ENTREP2: variants seen among roughly 807,000 people sequenced by gnomAD.
The protein encoded by ENTREP2 is endosomal transmembrane epsin interactor 2.
chr15:29,546,108 T>A, the ENTREP2 span, among the ~76,000 whole-genome samples: 1 of 152,326 alleles, frequency 6.6e-6, no homozygotes. Context: ...CTTAGGAGAC[T>A]TCTGATATGA....
chr15:29,467,483 G>A, the ENTREP2 span, among the ~76,000 whole-genome samples: 4 of 152,212 alleles, frequency 2.6e-5, no homozygotes, highest in Non-Finnish European at 5.9e-5. Flanking sequence ...CAGCTAAAAC[G>A]CCAAGGAAAC....
At chr15:29,601,594 T>C in the ENTREP2 span, among the ~76,000 whole-genome samples, 2 of 152,178 alleles carry the variant, frequency 1.3e-5, no homozygotes, top group Non-Finnish European at 2.9e-5. Flanking sequence ...ATTCACATGA[T>C]CAGCTATGTC....
At chr15:29,434,725 G>T in the ENTREP2 span, among the ~76,000 whole-genome samples, 4 of 152,158 alleles carry the variant, frequency 2.6e-5, no homozygotes, top group African/African-American at 7.2e-5. Context: ...TGCTCCTCAA[G>T]CAGAGATCAG....
At chr15:29,662,972 C>T in the ENTREP2 span, among the ~76,000 whole-genome samples, 1 of 151,874 alleles carries the variant, frequency 6.6e-6, no homozygotes, top group Non-Finnish European at 1.5e-5. Flanking sequence ...CTCGGCCTCC[C>T]AAAGTGCTGG....
chr15:29,233,771 T>C, the ENTREP2 span: 766 of 1,535,842 alleles, frequency 5.0e-4, 1 homozygote, highest in African/African-American at 9.3e-3. Context: ...AGTCTGATGA[T>C]GTGTGTGGTG....
chr15:29,391,255 C>T, the ENTREP2 span, among the ~76,000 whole-genome samples: 2 of 151,980 alleles, frequency 1.3e-5, no homozygotes, highest in Admixed American at 1.3e-4. Context: ...ACTTCCAACT[C>T]ACCATTCCCT....
chr15:29,655,941 C>T, the ENTREP2 span, among the ~76,000 whole-genome samples: 1 of 149,018 alleles, frequency 6.7e-6, no homozygotes, highest in Admixed American at 6.7e-5. Flanking sequence ...ATGAGAATCA[C>T]TTGAATCTGG....
chr15:29,236,269 A>T, the ENTREP2 span, among the ~76,000 whole-genome samples: 1 of 152,230 alleles, frequency 6.6e-6, no homozygotes, highest in Non-Finnish European at 1.5e-5. Flanking sequence ...ACTTAGATAA[A>T]ATGCATCAAT....
At chr15:29,608,791 T>C in the ENTREP2 span, among the ~76,000 whole-genome samples, 1 of 151,742 alleles carries the variant, frequency 6.6e-6, no homozygotes, top group African/African-American at 2.4e-5. Context: ...ATGGTCTCGA[T>C]CTCCTGACCT....
At chr15:29,649,727 C>G in the ENTREP2 span, among the ~76,000 whole-genome samples, 1 of 66,958 alleles carries the variant, frequency 1.5e-5, no homozygotes, top group African/African-American at 5.0e-5. Context: ...TCAACAACAA[C>G]AAAAAAAAAA....
chr15:29,445,189 G>C, the ENTREP2 span, among the ~76,000 whole-genome samples: 10 of 152,296 alleles, frequency 6.6e-5, no homozygotes, highest in South Asian at 1.9e-3. Flanking sequence ...AATGGAATTA[G>C]TGCGAGATAC....
chr15:29,645,584 G>C, the ENTREP2 span, among the ~76,000 whole-genome samples: 1 of 151,736 alleles, frequency 6.6e-6, no homozygotes, highest in Non-Finnish European at 1.5e-5. Context: ...TTGAGACAGA[G>C]TCTCGCTCTG....
At chr15:29,394,709 C>A in the ENTREP2 span, among the ~76,000 whole-genome samples, 1 of 151,978 alleles carries the variant, frequency 6.6e-6, no homozygotes, top group African/African-American at 2.4e-5. Flanking sequence ...AACTTTGTAT[C>A]CATTAATTTA....
chr15:29,258,706 G>A, the ENTREP2 span, among the ~76,000 whole-genome samples: 2 of 152,058 alleles, frequency 1.3e-5, no homozygotes, highest in African/African-American at 2.4e-5. Context: ...TTCTCAAACT[G>A]AAACTCCATA....
the ENTREP2 span, chr15:29,613,619 T>C: frequency 5.4e-6 from 1 of 185,910 alleles, no homozygotes; most frequent in Non-Finnish European, 1.1e-5. Context: ...TGATGAGACC[T>C]GCGGCACAGA....
At chr15:29,635,842 G>A in the ENTREP2 span, among the ~76,000 whole-genome samples, 1 of 152,210 alleles carries the variant, frequency 6.6e-6, no homozygotes, top group Non-Finnish European at 1.5e-5. Context: ...CACTGCTGAG[G>A]CAAGGAAAAG....
the ENTREP2 span, among the ~76,000 whole-genome samples, chr15:29,480,827 G>C: frequency 2.6e-4 from 40 of 152,288 alleles, no homozygotes; most frequent in African/African-American, 9.1e-4. Flanking sequence ...CTGCAGTTGG[G>C]GGGTGAGAGT....
the ENTREP2 span, among the ~76,000 whole-genome samples, chr15:29,157,716 C>G: frequency 6.9e-6 from 1 of 145,482 alleles, no homozygotes; most frequent in Non-Finnish European, 1.5e-5. Flanking sequence ...AAAGTTATAA[C>G]TAAAATAGCG....
At chr15:29,553,013 T>G in the ENTREP2 span, among the ~76,000 whole-genome samples, 2 of 152,216 alleles carry the variant, frequency 1.3e-5, no homozygotes, top group African/African-American at 2.4e-5. Flanking sequence ...ACTGTAAACT[T>G]GGCCGGGTGT....
Sources: allele counts gnomAD v4.1 joint callset (sites outside exome capture counted in the v4.1 genomes callset), GRCh38; gene constraint gnomAD v4.1.1; transcripts MANE v1.5; gene names NCBI Gene and HGNC (gene_info 2026-07-23, HGNC 2026-07-21).